The following DEFB124 variants were observed in gnomAD, a reference collection of about 807,000 sequenced individuals.
DEFB124 encodes beta-defensin 124.
For synonymous variants in DEFB124, 38 were observed against 36.5 expected (o/e 1.04, Z -0.15); for missense variants, 78 against 83.1 (o/e 0.94, Z 0.24).
intron 2 of DEFB124, 150 bp downstream of exon 2, chr20:31,472,806 C>T (rs1980370763): frequency 6.8e-6 from 6 of 876,120 alleles, no homozygotes; most frequent in Middle Eastern, 2.8e-4. Flanking sequence ...TAGCAACTTG[C>T]TCTAAGTTGC....
chr20:31,469,441 T>C (rs1276802698), intron 2 of DEFB124, among the ~76,000 whole-genome samples: 1 of 149,338 alleles, frequency 6.7e-6, no homozygotes, highest in Admixed American at 6.7e-5. Flanking sequence ...AAACAAATCT[T>C]TTTTTTTTTT....
chr20:31,470,055 G>A (rs546147073), intron 2 of DEFB124, among the ~76,000 whole-genome samples: 7 of 128,908 alleles, frequency 5.4e-5, no homozygotes, highest in Admixed American at 3.7e-4. Context: ...CCTCCCGGAC[G>A]GGGCGGCTGG....
chr20:31,472,418 AGGGAGAG>A (rs1419566772), intron 2 of DEFB124, among the ~76,000 whole-genome samples: 3 of 121,328 alleles, frequency 2.5e-5, no homozygotes, highest in East Asian at 2.8e-4. Flanking sequence ...GGAGACCGAG[AGGGAGAG>A]GGGAGAGGGG....
Position 31,471,745 on chromosome 20 carries a change from C to A in DEFB124, c.58+1211G>T, listed in dbSNP as rs556331535. ...AGACGGGGTCGCAGCCTGGCAGAGGCGCTCCTCACATCCCAGACGGGGCGG... is the reference window on the plus strand; with the variant it reads ...AGACGGGGTCGCAGCCTGGCAGAGGAGCTCCTCACATCCCAGACGGGGCGG... On this transcript the variant is annotated intron_variant, in intron 2 of 2. Coordinates refer to ENST00000317676, the MANE Select transcript of DEFB124 (RefSeq NM_001037500.2). Among the ~76,000 whole-genome samples, 22 of 148,878 alleles carry A rather than the reference C, an allele frequency of 1.5e-4. No individual in the cohort carries two copies. The South Asian group carries it at 4.7e-3, about 32-fold the overall frequency.
At chr20:31,470,531 GA>G (rs1480056828) in intron 2 of DEFB124, among the ~76,000 whole-genome samples, 1 of 135,148 alleles carries the variant, frequency 7.4e-6, no homozygotes, top group African/African-American at 2.8e-5. Context: ...TCACTTCCCG[GA>G]CGGGGCGGCT....
intron 2 of DEFB124, among the ~76,000 whole-genome samples, chr20:31,468,287 G>A (rs73611998): frequency 0.1 from 15,480 of 152,090 alleles, 888 homozygotes; most frequent in East Asian, 0.27. Context: ...TACCTGGAAC[G>A]ATCTTTCCTC....
chr20:31,473,639 T>C (rs1028018589), intron 1 of DEFB124, among the ~76,000 whole-genome samples: 24 of 152,182 alleles, frequency 1.6e-4, no homozygotes, highest in African/African-American at 4.8e-4. Context: ...ACCAGTTCTT[T>C]AGCCCTACCC....
In DEFB124 at chr20:31,475,040, A is replaced by C. The variant is rs1980439986; in HGVS notation, c.-439T>G. 6.6e-6 allele frequency among the ~76,000 whole-genome samples: 1 copy of C among 152,244 alleles called. No homozygotes were observed. Among genetic ancestry groups the C allele is most frequent in the Non-Finnish European group, 1.5e-5 (1 of 68,044 alleles). ...TGATGGAGTGGACAGATGTGGACGC[A>C]GATGGAGCTCCAGACCCAGGAATCC... On this transcript the variant is annotated 5_prime_UTR_variant, in exon 1 of 3. Coordinates refer to ENST00000317676, the MANE Select transcript of DEFB124 (RefSeq NM_001037500.2). The surrounding 1 kb of genome is among the most constrained non-coding windows in gnomAD (Gnocchi z 5.0).
intron 2 of DEFB124, among the ~76,000 whole-genome samples, chr20:31,466,146 G>C (rs1980077735): frequency 6.6e-6 from 1 of 152,156 alleles, no homozygotes; most frequent in Non-Finnish European, 1.5e-5. Flanking sequence ...AACAGAGGGA[G>C]ACTCCATCTC....
intron 2 of DEFB124, among the ~76,000 whole-genome samples, chr20:31,470,177 C>G (rs564142554): frequency 7.0e-6 from 1 of 143,832 alleles, no homozygotes; most frequent in South Asian, 2.1e-4. Context: ...CCTCACCTCC[C>G]GGACGGGGCG....
chr20:31,469,593 C>A (rs1407133965), intron 2 of DEFB124, among the ~76,000 whole-genome samples: 2 of 151,190 alleles, frequency 1.3e-5, no homozygotes, highest in South Asian at 2.1e-4. Flanking sequence ...GAGGACCCTG[C>A]GGCCTTCAGC....
At chr20:31,471,834 C>G (rs1450302920) in intron 2 of DEFB124, among the ~76,000 whole-genome samples, 1 of 150,124 alleles carries the variant, frequency 6.7e-6, no homozygotes, top group Admixed American at 6.6e-5. Flanking sequence ...TCCTCACTTC[C>G]CAGATGGGAT....
At chr20:31,467,660 G>A (rs907157354) in intron 2 of DEFB124, among the ~76,000 whole-genome samples, 3 of 152,198 alleles carry the variant, frequency 2.0e-5, no homozygotes, top group Admixed American at 1.3e-4. Flanking sequence ...CCAGTAAAGA[G>A]AGGAATGAAC....
At chr20:31,465,979 A>C (rs1471730180) in intron 2 of DEFB124, among the ~76,000 whole-genome samples, 1 of 151,862 alleles carries the variant, frequency 6.6e-6, no homozygotes, top group African/African-American at 2.4e-5. Flanking sequence ...CAACATGACA[A>C]AACCCTTTCT....
At chr20:31,466,623 A>ATATATATATAT (rs1274120880) in intron 2 of DEFB124, among the ~76,000 whole-genome samples, 3 of 147,932 alleles carry the variant, frequency 2.0e-5, no homozygotes, top group Admixed American at 6.7e-5. Context: ...ATATATATAT[A>ATATATATATAT]AAACCTTATC....
At chr20:31,470,681 C>G (rs1377277224) in intron 2 of DEFB124, among the ~76,000 whole-genome samples, 2 of 137,044 alleles carry the variant, frequency 1.5e-5, no homozygotes, top group African/African-American at 5.5e-5. Context: ...CCCTCCCGGA[C>G]AGGGCGGCTG....
intron 2 of DEFB124, among the ~76,000 whole-genome samples, chr20:31,465,936 C>G (rs61676755): frequency 0.19 from 28,301 of 152,074 alleles, 3,504 homozygotes; most frequent in African/African-American, 0.34. Context: ...GCAGGCAGAT[C>G]ACCTGAGGTC....
intron 2 of DEFB124, among the ~76,000 whole-genome samples, chr20:31,465,988 C>G (rs1980074524): frequency 6.6e-6 from 1 of 151,822 alleles, no homozygotes; most frequent in Admixed American, 6.6e-5. Flanking sequence ...AAAACCCTTT[C>G]TCTACCAAAA....
At chr20:31,468,498 A>G (rs1203359716) in intron 2 of DEFB124, among the ~76,000 whole-genome samples, 1 of 150,742 alleles carries the variant, frequency 6.6e-6, no homozygotes, top group African/African-American at 2.4e-5. Flanking sequence ...TTTTTTTAAG[A>G]CAGAGTCTCA....
Sources: allele counts gnomAD v4.1 joint callset (sites outside exome capture counted in the v4.1 genomes callset), GRCh38; gene constraint gnomAD v4.1.1; non-coding constraint Gnocchi (gnomAD v3.1); transcripts MANE v1.5; gene names NCBI Gene and HGNC (gene_info 2026-07-23, HGNC 2026-07-21).